Variants in SUN1 observed in about 807,000 individuals in gnomAD.
The protein encoded by SUN1 is Sad1 and UNC84 domain containing 1, also known as SUN domain-containing protein 1.
Under a neutral mutation model 103.2 loss-of-function variants are expected in SUN1, and 61 were observed. That is an observed-to-expected ratio of 0.59 (90% CI 0.48 to 0.73). The LOEUF is 0.73. SUN1 is among the 30% of genes least tolerant of loss of function. SUN1 has a pLI of 0.00. For missense variants in SUN1, 1,052 were observed against 1,034.6 expected, an observed-to-expected ratio of 1.02 and a Z score of -0.23; for synonymous variants, 490 against 425.7, an observed-to-expected ratio of 1.15 and a Z score of -1.86.
chr7:843,296 G>C, intron 4 of SUN1, 45 bp from the exon 5 acceptor site: 1 of 1,604,878 alleles, frequency 6.2e-7, no homozygotes. Context: ...TTAAATATCT[G>C]CAGACTGTGA....
intron 15 of SUN1, among the ~76,000 whole-genome samples, chr7:864,525 G>A (rs1834750374): frequency 7.1e-6 from 1 of 141,658 alleles, no homozygotes; most frequent in African/African-American, 2.7e-5. Flanking sequence ...TTGCACTCCA[G>A]CCTGGGCAAC....
At chr7:848,661 G>A (rs181567493) in intron 5 of SUN1, 9 of 1,261,218 alleles carry the variant, frequency 7.1e-6, no homozygotes, top group Admixed American at 5.3e-5. Context: ...TCACACTTTC[G>A]CAGTGGAGAA....
chr7:816,476 C>T (rs1239393141), upstream of SUN1: 1 of 221,332 alleles, frequency 4.5e-6, no homozygotes, highest in Non-Finnish European at 9.4e-6. Flanking sequence ...GCCTGGAGTC[C>T]TCCTCGCCCC....
chr7:865,087 G>A (rs1219256819), intron 15 of SUN1, among the ~76,000 whole-genome samples: 1 of 152,114 alleles, frequency 6.6e-6, no homozygotes, highest in Non-Finnish European at 1.5e-5. Flanking sequence ...GTCTTTCTAT[G>A]CCTGGCTTAT....
Position 843,399 on chromosome 7 carries a change from G to A in SUN1, c.537G>A (p.Ala179=), listed in dbSNP as rs778621413. The A allele has an allele frequency of 4.8e-5, 77 of 1,612,724 alleles. No homozygotes were observed. The highest frequency in any genetic ancestry group is 8.0e-5 in the African/African-American group (6 of 74,900). Residue 179 remains alanine, a synonymous_variant, in exon 5 of 19, where the codon GCG becomes GCA. Transcript: ENST00000401592. ...ATGTGGGAGCCGCCGCCGCCACCGC[G>A]CACAACGGCTTCTCCTGCAGCAACT... is the stretch of plus-strand genomic sequence containing the variant. The part of the protein sequence containing the change: ...NGDVGAAAAT[A]HNGFSCSNCS...
chr7:856,282 GT>G, intron 11 of SUN1, 75 bp from the exon 12 acceptor site: 2 of 1,466,184 alleles, frequency 1.4e-6, no homozygotes. Flanking sequence ...AATCAATGGA[GT>G]TTTAAGTATG....
intron 2 of SUN1, 117 bp downstream of exon 2, chr7:839,103 A>G (rs538078163): frequency 6.1e-5 from 65 of 1,061,358 alleles, no homozygotes; most frequent in Non-Finnish European, 8.0e-5. Flanking sequence ...ATGTGTGTGT[A>G]TGTGCGTGTA....
chr7:836,799 G>A (rs1298155831), intron 1 of SUN1, among the ~76,000 whole-genome samples: 3 of 152,250 alleles, frequency 2.0e-5, no homozygotes, highest in Non-Finnish European at 4.4e-5. Context: ...GTTGACACAT[G>A]CAGGTAACCC....
intron 1 of SUN1, among the ~76,000 whole-genome samples, chr7:823,831 C>G (rs1220684165): frequency 3.3e-5 from 5 of 152,142 alleles, no homozygotes; most frequent in African/African-American, 1.2e-4. Flanking sequence ...GAGGGAGGAG[C>G]AGGCCTGGGG....
intron 1 of SUN1, chr7:817,170 G>A: frequency 3.9e-6 from 2 of 512,862 alleles, no homozygotes; most frequent in South Asian, 4.1e-5. Flanking sequence ...GTGTTTCCCA[G>A]GCTGGTCTCG....
rs752411970 is a variant in SUN1 at position 843,563 on chromosome 7, C to T, written c.658+43C>T. The T allele has an allele frequency of 9.3e-6, 15 of 1,613,554 alleles. No homozygotes were observed. In the South Asian group the frequency reaches 1.5e-4, roughly 17 times the overall value. On this transcript the variant is annotated intron_variant, in intron 5 of 18. Coordinates refer to ENST00000401592, the MANE Select transcript of SUN1 (RefSeq NM_001130965.3). ...AAAACTCAGAAAAAGGTGTGTTTTC[C>T]AAATTTAATATTTCCTTTCTGTAAG...
Position 860,193 on chromosome 7 carries a change from G to A in SUN1, c.1590G>A (p.Leu530=). 1 of 1,614,244 alleles carries A rather than the reference G, an allele frequency of 6.2e-7. No homozygotes were observed. The highest frequency in any genetic ancestry group is 8.5e-7 in the Non-Finnish European group (1 of 1,180,058). Residue 530 remains leucine (L), a synonymous_variant, in exon 14 of 19, where the codon CTG becomes CTA. Coordinates refer to ENST00000401592, the MANE Select transcript of SUN1 (RefSeq NM_001130965.3). ...LFSEDQQGGS[L]EQLLQRFSSQ... ...CCGAAGATCAGCAAGGCGGTTCTCTGGAACAGCTGCTGCAGAGGTTCTCAT... is the reference window on the plus strand; with the variant it reads ...CCGAAGATCAGCAAGGCGGTTCTCTAGAACAGCTGCTGCAGAGGTTCTCAT...
At chr7:835,638 CTG>C (rs757579501) in intron 1 of SUN1, among the ~76,000 whole-genome samples, 9 of 152,208 alleles carry the variant, frequency 5.9e-5, no homozygotes, top group Non-Finnish European at 1.2e-4. Flanking sequence ...TGGCGTGACT[CTG>C]TGACAGATGG....
At chr7:835,180 A>G (rs1037407983) in intron 1 of SUN1, among the ~76,000 whole-genome samples, 24 of 152,378 alleles carry the variant, frequency 1.6e-4, no homozygotes, top group African/African-American at 5.0e-4. Flanking sequence ...TTCGCCAGTG[A>G]TGCATGCGGG....
chr7:872,425 G>A, intron 17 of SUN1, 45 bp from the exon 18 acceptor site: 1 of 1,514,826 alleles, frequency 6.6e-7, no homozygotes, highest in Non-Finnish European at 9.0e-7. Context: ...TCTGCTCAGT[G>A]TTATTTTTCC....
intron 10 of SUN1, among the ~76,000 whole-genome samples, chr7:854,160 T>C (rs1444525901): frequency 6.6e-6 from 1 of 152,168 alleles, no homozygotes; most frequent in Non-Finnish European, 1.5e-5. Flanking sequence ...AACTGAACTG[T>C]GTGTGAATTG....
At chr7:828,858 A>C (rs939175105), upstream of SUN1, among the ~76,000 whole-genome samples, 8 of 152,086 alleles carry the variant, frequency 5.3e-5, no homozygotes, top group African/African-American at 9.7e-5. Flanking sequence ...CTCTGTGCAC[A>C]CCTGTGCTGA....
At position 838,894 on chromosome 7, in the gene SUN1, G is replaced by C. The variant is rs776352769; in HGVS notation, c.174G>C (p.Leu58=). The change falls in exon 2 of 19, where the codon CTG becomes CTC. Residue 58 remains leucine (L), a synonymous_variant. Coordinates refer to ENST00000401592, the MANE Select transcript of SUN1 (RefSeq NM_001130965.3). ...SPRMSRRSLR[L]ATTACTLGDG... ...GGATGTCCCGCCGTAGTTTGCGCCT[G>C]GCCACGACAGCATGCACCCTGGGGG... 6.2e-6 allele frequency: 10 copies of C among 1,610,342 alleles called. No homozygotes were observed. The highest frequency in any genetic ancestry group is 8.5e-6 in the Non-Finnish European group (10 of 1,178,722).
rs573581716 is a variant in SUN1 at position 858,526 on chromosome 7, C to G, written c.1524+569C>G. 3.3e-5 allele frequency among the ~76,000 whole-genome samples: 5 copies of G among 152,214 alleles called. No homozygotes were observed. In the East Asian group the frequency reaches 9.6e-4, roughly 29 times the overall value. On this transcript the variant is annotated intron_variant, in intron 13 of 18. Coordinates refer to ENST00000401592, the MANE Select transcript of SUN1 (RefSeq NM_001130965.3). ...TCTTCCCAGTCTCCTTGGTATGCGT[C>G]CTTGGTGTGCGTGCAGCCCAGGGCC...
Sources: gnomAD v4.1 joint callset for allele counts (sites outside exome capture counted in the v4.1 genomes callset) on GRCh38, gnomAD v4.1.1 for gene constraint, MANE v1.5 for transcripts, NCBI Gene and HGNC (gene_info 2026-07-23, HGNC 2026-07-21) for gene names.